The following RAB3B variants were observed in gnomAD, a reference collection of about 807,000 sequenced individuals.
RAB3B encodes ras-related protein Rab-3B.
Under a neutral mutation model 20.5 loss-of-function variants are expected in RAB3B, and 11 were observed. The ratio of observed to expected loss-of-function variants is 0.54; its 90% CI spans 0.34 to 0.89. RAB3B has a LOEUF of 0.89. Ranked by LOEUF, RAB3B falls within the 40% of genes least tolerant of loss-of-function variation. The pLI is 0.02. For missense variants in RAB3B, 225 were observed against 280.9 expected (o/e 0.80, Z 1.42); for synonymous variants, 99 against 106.3 (o/e 0.93, Z 0.42).
intron 3 of RAB3B, among the ~76,000 whole-genome samples, chr1:51,933,781 T>C (rs1435802479): frequency 2.6e-5 from 4 of 152,198 alleles, no homozygotes; most frequent in Non-Finnish European, 5.9e-5. Flanking sequence ...ACCAAGTCTA[T>C]AGTATTCTTG....
chr1:51,967,338 T>A (rs1316467887), intron 2 of RAB3B, among the ~76,000 whole-genome samples: 3 of 151,620 alleles, frequency 2.0e-5, no homozygotes, highest in Non-Finnish European at 4.4e-5. Flanking sequence ...TTAATTAAAT[T>A]AAATAAAATG....
Position 51,914,728 on chromosome 1 carries a change from T to C in RAB3B, c.*5199A>G, listed in dbSNP as rs1571952476. 6.6e-6 allele frequency: 1 copy of C among 152,194 alleles called. No individual in the cohort carries two copies. Among genetic ancestry groups the C allele is most frequent in the South Asian group, 2.1e-4 (1 of 4,816 alleles). 9.4% of individuals were successfully genotyped at this position (152,194 alleles called of 1,614,324 possible). On this transcript the variant is annotated 3_prime_UTR_variant, in exon 5 of 5. Transcript: ENST00000371655. ...TCCCCAACTATGGCAGGTAATTGGGTGTAGGCTTGGGGCAGGGAATCTGAA... is the reference window on the plus strand; with the variant it reads ...TCCCCAACTATGGCAGGTAATTGGGCGTAGGCTTGGGGCAGGGAATCTGAA...
At chr1:51,922,791 G>A (rs1430897397) in intron 4 of RAB3B, among the ~76,000 whole-genome samples, 1 of 152,018 alleles carries the variant, frequency 6.6e-6, no homozygotes, top group Non-Finnish European at 1.5e-5. Context: ...CTGCCTCCCG[G>A]GTTCAAGCGA....
intron 2 of RAB3B, among the ~76,000 whole-genome samples, chr1:51,961,255 T>C (rs1684780299): frequency 6.6e-6 from 1 of 151,998 alleles, no homozygotes; most frequent in African/African-American, 2.4e-5. Flanking sequence ...CCCTGTGAAG[T>C]TGTAGTGGGA....
rs988493437 is a variant in RAB3B at position 51,908,882 on chromosome 1, T to C, written c.*11045A>G. 1 of 152,170 alleles carries C rather than the reference T, an allele frequency of 6.6e-6. No individual in the cohort carries two copies. Among genetic ancestry groups the C allele is most frequent in the African/African-American group, 2.4e-5 (1 of 41,422 alleles). The allele number at this position is 152,170 out of a possible 1,614,324, so 9.4% of individuals were successfully genotyped here. On this transcript the variant is annotated 3_prime_UTR_variant, in exon 5 of 5. Transcript: ENST00000371655. ...ATAAAACCCACATCACAGTGTTGTGTCAAAGATCATCAGGGCATGGATGGG... is the reference window on the plus strand; with the variant it reads ...ATAAAACCCACATCACAGTGTTGTGCCAAAGATCATCAGGGCATGGATGGG...
At chr1:51,959,296 G>A (rs1369288020) in intron 2 of RAB3B, among the ~76,000 whole-genome samples, 3 of 152,046 alleles carry the variant, frequency 2.0e-5, no homozygotes, top group African/African-American at 7.2e-5. Flanking sequence ...TCGGCAGGAG[G>A]ATCACTTGAG....
chr1:51,980,429 CAAAAA>C, intron 1 of RAB3B: 1 of 385,746 alleles, frequency 2.6e-6, no homozygotes, highest in Non-Finnish European at 4.7e-6. Flanking sequence ...CTGTCTCTAC[CAAAAA>C]AAAAAAAAAA....
At chr1:51,937,952 A>G (rs1337638715) in intron 2 of RAB3B, among the ~76,000 whole-genome samples, 1 of 147,880 alleles carries the variant, frequency 6.8e-6, no homozygotes, top group African/African-American at 2.5e-5. Context: ...AGAAATGTTG[A>G]GTGGGTAATT....
At chr1:51,942,377 T>C (rs1267158098) in intron 2 of RAB3B, among the ~76,000 whole-genome samples, 1 of 152,210 alleles carries the variant, frequency 6.6e-6, no homozygotes, top group African/African-American at 2.4e-5. Flanking sequence ...ATAAATGAGT[T>C]TGGACATGGA....
At chr1:51,982,044 A>C (rs1294054732) in intron 1 of RAB3B, among the ~76,000 whole-genome samples, 3 of 152,098 alleles carry the variant, frequency 2.0e-5, no homozygotes, top group African/African-American at 7.2e-5. Flanking sequence ...GTCCTTCAGG[A>C]GGTATTCCAG....
intron 4 of RAB3B, among the ~76,000 whole-genome samples, chr1:51,929,401 C>T (rs1684292963): frequency 6.6e-6 from 1 of 151,888 alleles, no homozygotes; most frequent in South Asian, 2.1e-4. Flanking sequence ...AATCTCAGCT[C>T]ACTGTAACCT....
rs560610796 is a variant in RAB3B at position 51,965,192 on chromosome 1, C to T, written c.228+11698G>A. Among the ~76,000 whole-genome samples, 7 of 147,344 alleles carry T rather than the reference C, an allele frequency of 4.8e-5. No individual in the cohort carries two copies. The South Asian group carries it at 1.3e-3, about 28-fold the overall frequency. On this transcript the variant is annotated intron_variant, in intron 2 of 4. Transcript: ENST00000371655. ...CGAGATTGCGCCACTGCACTTCCAACCTGGGTGACAGAGTGAAATTCTGTC... is the reference window on the plus strand; with the variant it reads ...CGAGATTGCGCCACTGCACTTCCAATCTGGGTGACAGAGTGAAATTCTGTC...
intron 1 of RAB3B, among the ~76,000 whole-genome samples, chr1:51,987,587 G>A (rs1041467439): frequency 9.9e-5 from 15 of 152,074 alleles, no homozygotes; most frequent in African/African-American, 3.6e-4. Context: ...TCAGTTTCCA[G>A]GTCTATCATT....
In RAB3B at chr1:51,920,060, A is replaced by G; in HGVS notation, c.527T>C (p.Phe176Ser). 1 of 1,614,172 alleles carries G rather than the reference A, an allele frequency of 6.2e-7. No individual in the cohort carries two copies. ...ACAAATGGCATCCACCAGGCGCTCA[A>G]AGGCCTGCCTTACACTGATGTTCTC... ...AKENISVRQA[F>S]ERLVDAICDK... is the part of the protein sequence containing the mutation. The change falls in exon 5 of 5, where the codon TTT becomes TCT. Residue 176 changes from phenylalanine to serine, a missense_variant. Phe to Ser is a radical substitution (Grantham distance 155). Coordinates refer to ENST00000371655, the MANE Select transcript of RAB3B (RefSeq NM_002867.4).
intron 2 of RAB3B, among the ~76,000 whole-genome samples, chr1:51,963,245 C>T (rs968954294): frequency 6.6e-6 from 1 of 152,192 alleles, no homozygotes; most frequent in African/African-American, 2.4e-5. Flanking sequence ...CAGCTCACTC[C>T]TTGTAGATTC....
chr1:51,984,816 C>T (rs1056105509), intron 1 of RAB3B, among the ~76,000 whole-genome samples: 10 of 152,164 alleles, frequency 6.6e-5, no homozygotes, highest in African/African-American at 9.7e-5. Context: ...ACCACAATTT[C>T]ATATCCTTTA....
intron 2 of RAB3B, among the ~76,000 whole-genome samples, chr1:51,943,371 A>C (rs1684520162): frequency 6.8e-6 from 1 of 147,588 alleles, no homozygotes; most frequent in African/African-American, 2.5e-5. Flanking sequence ...GTGACAGAGC[A>C]AGACTCCATC....
intron 2 of RAB3B, among the ~76,000 whole-genome samples, chr1:51,962,270 C>T (rs760484315): frequency 3.9e-5 from 6 of 152,164 alleles, no homozygotes; most frequent in Non-Finnish European, 7.3e-5. Flanking sequence ...CATGAAAGCC[C>T]GTGCCACTGT....
chr1:51,967,323 A>G (rs1684866795), intron 2 of RAB3B, among the ~76,000 whole-genome samples: 1 of 151,098 alleles, frequency 6.6e-6, no homozygotes, highest in Non-Finnish European at 1.5e-5. Flanking sequence ...CAAAAAATAA[A>G]TTAATTAATT....
Sources: gnomAD v4.1 joint callset for allele counts (sites outside exome capture counted in the v4.1 genomes callset) on GRCh38, gnomAD v4.1.1 for gene constraint, MANE v1.5 for transcripts, NCBI Gene and HGNC (gene_info 2026-07-23, HGNC 2026-07-21) for gene names.